The following GPC5 variants were observed in gnomAD, a reference collection of about 807,000 sequenced individuals.
The protein encoded by GPC5 is glypican 5.
In GPC5, 47 loss-of-function variants were observed where a neutral mutation model predicts 53.9. The observed-to-expected ratio is 0.87, with a 90% CI of 0.69 to 1.11. GPC5 has a LOEUF of 1.11. Among genes scored for constraint, GPC5 ranks in the 50% most tolerant of loss-of-function variants. The probability of loss-of-function intolerance (pLI) is 0.00; values close to 1 mark genes in which losing one functional copy is unlikely to be tolerated. For missense variants in GPC5, 748 were observed against 713.1 expected (o/e 1.05, Z -0.56); for synonymous variants, 286 against 263.3 (o/e 1.09, Z -0.84).
chr13:92,099,445 T>A (rs2041448140), intron 6 of GPC5, among the ~76,000 whole-genome samples: 1 of 152,198 alleles, frequency 6.6e-6, no homozygotes, highest in Non-Finnish European at 1.5e-5. Context: ...TCTGCAATGT[T>A]CCTATTCCTT....
rs958967298 is a variant in GPC5 at position 91,491,845 on chromosome 13, G to A, written c.325+42923G>A. ...GTAATCCAGGATGTTCTTATTTCAG[G>A]ATCTTTAGTTTAATTATAGCTGCAA... On this transcript the variant is annotated intron_variant, in intron 2 of 7. Transcript: ENST00000377067. Among the ~76,000 whole-genome samples the A allele has an allele frequency of 2.6e-5, 4 of 152,202 alleles. No homozygotes were observed. The South Asian group carries it at 6.2e-4, about 24-fold the overall frequency.
intron 6 of GPC5, among the ~76,000 whole-genome samples, chr13:92,118,988 T>C (rs2041622930): frequency 6.6e-6 from 1 of 152,242 alleles, no homozygotes; most frequent in Admixed American, 6.5e-5. Flanking sequence ...CTCCTTCTTT[T>C]TGCCTATTGT....
At chr13:92,210,413 A>C (rs1315362094) in intron 7 of GPC5, among the ~76,000 whole-genome samples, 3 of 152,286 alleles carry the variant, frequency 2.0e-5, no homozygotes, top group Middle Eastern at 3.4e-3. Flanking sequence ...ATTGGGGTTC[A>C]GTTCTCATGT....
rs191203218 is a variant in GPC5, at chr13:92,219,198, C to G, written c.1561+74209C>G. On this transcript the variant is annotated intron_variant, in intron 7 of 7. Coordinates refer to ENST00000377067, the MANE Select transcript of GPC5 (RefSeq NM_004466.6). ...AATAGCTTATCCCTACCCACTGTGT[C>G]ACTTACTAGATCAGAGGCAAAGAGG... is the stretch of plus-strand genomic sequence containing the variant. Among the ~76,000 whole-genome samples, 511 of 152,200 alleles carry G rather than the reference C, an allele frequency of 3.4e-3. 4 individuals carry two copies. The highest frequency in any genetic ancestry group is 0.012 in the African/African-American group (486 of 41,552).
intron 4 of GPC5, among the ~76,000 whole-genome samples, chr13:91,745,596 G>A (rs2037031443): frequency 6.6e-6 from 1 of 152,012 alleles, no homozygotes; most frequent in African/African-American, 2.4e-5. Context: ...ATGTGGAGGG[G>A]AAAACCTGGA....
intron 7 of GPC5, among the ~76,000 whole-genome samples, chr13:92,745,834 T>C (rs1889227582): frequency 6.6e-6 from 1 of 152,122 alleles, no homozygotes. Context: ...TCTGTAAATG[T>C]CAAGTTAAAC....
chr13:91,400,131 C>T (rs75805732), intron 1 of GPC5, among the ~76,000 whole-genome samples: 1 of 152,238 alleles, frequency 6.6e-6, no homozygotes, highest in South Asian at 2.1e-4. Flanking sequence ...TCACTAGAGC[C>T]ATGCACCCCT....
At chr13:92,323,229 G>A (rs1449134914) in intron 7 of GPC5, among the ~76,000 whole-genome samples, 2 of 150,800 alleles carry the variant, frequency 1.3e-5, no homozygotes, top group African/African-American at 4.9e-5. Context: ...GGTACTTAGG[G>A]AAGATATATA....
intron 7 of GPC5, among the ~76,000 whole-genome samples, chr13:92,325,249 A>T (rs555243527): frequency 6.6e-6 from 1 of 152,142 alleles, no homozygotes; most frequent in South Asian, 2.1e-4. Context: ...GTGGATATAG[A>T]AAGTTACTAC....
At chr13:91,801,705 G>A (rs1380894199) in intron 5 of GPC5, among the ~76,000 whole-genome samples, 1 of 152,128 alleles carries the variant, frequency 6.6e-6, no homozygotes, top group Non-Finnish European at 1.5e-5. Context: ...TACGTACTTA[G>A]CATTGTGGTA....
intron 2 of GPC5, among the ~76,000 whole-genome samples, chr13:91,526,672 T>C (rs1314650371): frequency 6.6e-6 from 1 of 152,192 alleles, no homozygotes; most frequent in Admixed American, 6.5e-5. Context: ...TCAGAGCTGT[T>C]TTTCTTTGCT....
At chr13:92,003,873 A>T (rs2040579613) in intron 6 of GPC5, among the ~76,000 whole-genome samples, 1 of 152,206 alleles carries the variant, frequency 6.6e-6, no homozygotes, top group African/African-American at 2.4e-5. Context: ...AGAGAAGATT[A>T]AAATCACTAA....
intron 7 of GPC5, among the ~76,000 whole-genome samples, chr13:92,663,305 A>G (rs1404663928): frequency 6.6e-6 from 1 of 152,034 alleles, no homozygotes; most frequent in African/African-American, 2.4e-5. Context: ...CACATAATGC[A>G]ATTTATTATT....
intron 7 of GPC5, among the ~76,000 whole-genome samples, chr13:92,306,300 A>T (rs986522885): frequency 6.6e-5 from 10 of 152,172 alleles, no homozygotes; most frequent in African/African-American, 2.2e-4. Context: ...GAGATCTCAG[A>T]CTCAATGCCT....
intron 7 of GPC5, among the ~76,000 whole-genome samples, chr13:92,807,336 T>C (rs890358338): frequency 2.6e-5 from 4 of 152,116 alleles, no homozygotes; most frequent in African/African-American, 9.7e-5. Context: ...TTACATATTA[T>C]GGTTGATGGC....
In GPC5 at chr13:91,834,588, A is replaced by G. The variant is rs544946083; in HGVS notation, c.1281-73349A>G. Among the ~76,000 whole-genome samples the G allele has an allele frequency of 2.0e-5, 3 of 152,136 alleles. 1 individual carries two copies. Among genetic ancestry groups the G allele is most frequent in the South Asian group, 4.1e-4 (2 of 4,830 alleles). On this transcript the variant is annotated intron_variant, in intron 5 of 7. Transcript: ENST00000377067. ...ACAGAACAGAGTCCTCAGAAATAAC[A>G]CCACACATCTACAACCATCTGATCT...
At chr13:92,681,816 G>C (rs1887118746) in intron 7 of GPC5, among the ~76,000 whole-genome samples, 1 of 152,092 alleles carries the variant, frequency 6.6e-6, no homozygotes, top group Non-Finnish European at 1.5e-5. Flanking sequence ...CATTTTCCCT[G>C]TTGGCCTAGA....
rs369287332 is a variant in GPC5, at chr13:92,359,383, A to G, written c.1561+214394A>G. Among the ~76,000 whole-genome samples, 6 of 151,540 alleles carry G rather than the reference A, an allele frequency of 4.0e-5. 1 individual carries two copies. Among genetic ancestry groups the G allele is most frequent in the East Asian group, 1.9e-4 (1 of 5,190 alleles). ...CATTTTGGTCACAACAATTTAACAAATGCTAGGAATTTCCAAACTTTCCTT... is the reference window on the plus strand; with the variant it reads ...CATTTTGGTCACAACAATTTAACAAGTGCTAGGAATTTCCAAACTTTCCTT... On this transcript the variant is annotated intron_variant, in intron 7 of 7. Transcript: ENST00000377067.
intron 2 of GPC5, among the ~76,000 whole-genome samples, chr13:91,657,264 A>G (rs948899406): frequency 1.3e-5 from 2 of 152,150 alleles, no homozygotes; most frequent in African/African-American, 4.8e-5. Context: ...GTGAAGGGTC[A>G]TCTCTTCGAA....
Sources: allele counts gnomAD v4.1 joint callset (sites outside exome capture counted in the v4.1 genomes callset), GRCh38; gene constraint gnomAD v4.1.1; transcripts MANE v1.5; gene names NCBI Gene and HGNC (gene_info 2026-07-23, HGNC 2026-07-21).